HSDL2: variants seen among roughly 807,000 people sequenced by gnomAD.
HSDL2 encodes hydroxysteroid dehydrogenase like 2, also known as hydroxysteroid dehydrogenase-like protein 2.
Under a neutral mutation model 46.3 loss-of-function variants are expected in HSDL2, and 27 were observed. The observed-to-expected ratio is 0.58, with a 90% confidence interval of 0.43 to 0.80. HSDL2 has a LOEUF of 0.80. Ranked by LOEUF, HSDL2 falls within the 30% of genes least tolerant of loss-of-function variation. The pLI, the probability that HSDL2 is intolerant of heterozygous loss-of-function variation, is 0.00. For missense variants in HSDL2, 451 were observed against 502.7 expected, an observed-to-expected ratio of 0.90 and a Z score of 0.98; for synonymous variants, 153 against 163.6, an observed-to-expected ratio of 0.94 and a Z score of 0.50.
chr9:112,453,651 C>T (rs368551094), intron 8 of HSDL2, among the ~76,000 whole-genome samples: 20 of 152,296 alleles, frequency 1.3e-4, no homozygotes, highest in African/African-American at 4.3e-4. Flanking sequence ...CCTTGGCCTC[C>T]CAAAGTGCTG....
chr9:112,438,253 C>CA (rs916243449), intron 6 of HSDL2, among the ~76,000 whole-genome samples, 178 bp from the exon 7 acceptor site: 4 of 151,894 alleles, frequency 2.6e-5, no homozygotes, highest in African/African-American at 4.8e-5. Flanking sequence ...AAAATAAAAA[C>CA]AAAAAAACAA....
intron 8 of HSDL2, among the ~76,000 whole-genome samples, chr9:112,451,969 G>T (rs1832895152): frequency 6.6e-6 from 1 of 152,120 alleles, no homozygotes; most frequent in East Asian, 1.9e-4. Flanking sequence ...GTTTCTGAAT[G>T]TATGTTACAT....
chr9:112,466,478 A>C (rs1391447625), intron 10 of HSDL2, among the ~76,000 whole-genome samples: 1 of 151,620 alleles, frequency 6.6e-6, no homozygotes, highest in African/African-American at 2.4e-5. Context: ...GCTTGAACCC[A>C]GGAGGCGGAG....
At chr9:112,464,233 C>G (rs201781832) in intron 10 of HSDL2, among the ~76,000 whole-genome samples, 1 of 6,956 alleles carries the variant, frequency 1.4e-4, no homozygotes, top group African/African-American at 3.1e-4. Context: ...CAGACACACA[C>G]ACACACACAC....
At chr9:112,463,584 AG>A (rs759556310) in intron 10 of HSDL2, among the ~76,000 whole-genome samples, 61 of 152,236 alleles carry the variant, frequency 4.0e-4, no homozygotes, top group Non-Finnish European at 6.0e-4. Flanking sequence ...ACTCATAGGT[AG>A]TACACCCAGA....
chr9:112,462,600 ATGTGTGTGTGTGTGTGTGTGTG>A (rs3032131), intron 10 of HSDL2, among the ~76,000 whole-genome samples: 2 of 146,628 alleles, frequency 1.4e-5, no homozygotes, highest in Non-Finnish European at 3.0e-5. Flanking sequence ...GAGGAGGGGG[ATGTGTGTGTGTGTGTGTGTGTG>A]TGTGTGTGTG....
At chr9:112,438,841 T>G (rs868775803) in intron 7 of HSDL2, 1 of 172,930 alleles carries the variant, frequency 5.8e-6, no homozygotes, top group Non-Finnish European at 1.2e-5. Flanking sequence ...AAGTGATATA[T>G]ATATATATAT....
intron 8 of HSDL2, among the ~76,000 whole-genome samples, chr9:112,442,292 A>AG (rs1832657554): frequency 4.1e-5 from 5 of 122,180 alleles, no homozygotes; most frequent in Non-Finnish European, 9.7e-5. Flanking sequence ...AAAAAAAAAA[A>AG]AAGAAGAAGT....
At chr9:112,465,559 A>T (rs188642230) in intron 10 of HSDL2, among the ~76,000 whole-genome samples, 313 of 152,310 alleles carry the variant, frequency 2.1e-3, no homozygotes, top group Non-Finnish European at 3.3e-3. Context: ...GTAAGTAAGC[A>T]CTTCTCATTC....
intron 8 of HSDL2, among the ~76,000 whole-genome samples, chr9:112,442,669 T>C (rs2132676000): frequency 6.6e-6 from 1 of 152,292 alleles, no homozygotes; most frequent in Non-Finnish European, 1.5e-5. Flanking sequence ...TCTCTCATGG[T>C]TTACTAATAA....
In HSDL2 at chr9:112,408,978, T is replaced by C. The variant is rs769188612; in HGVS notation, c.352T>C (p.Leu118=). The C allele has an allele frequency of 2.0e-5, 32 of 1,609,714 alleles. No individual in the cohort carries two copies. In the Admixed American group the frequency reaches 4.0e-4, roughly 20 times the overall value. The part of the protein sequence containing the change: ...TNTLDTPTKR[L]DLMMNVNTRG... Reference sequence around the variant, plus strand: ...TACATTGGACACACCTACCAAGAGATTGGATCTGATGATGAACGTGAACAC... The same window carrying C: ...TACATTGGACACACCTACCAAGAGACTGGATCTGATGATGAACGTGAACAC... The change falls in exon 4 of 11, where the codon TTG becomes CTG. Residue 118 remains leucine (L), a synonymous_variant. Transcript: ENST00000398805.
chr9:112,432,310 A>G (rs1209495285), intron 6 of HSDL2, among the ~76,000 whole-genome samples: 1 of 152,230 alleles, frequency 6.6e-6, no homozygotes, highest in African/African-American at 2.4e-5. Context: ...TCCCCTTCAC[A>G]TCACTTACAC....
intron 8 of HSDL2, among the ~76,000 whole-genome samples, chr9:112,451,789 A>G (rs1832890401): frequency 6.6e-6 from 1 of 152,002 alleles, no homozygotes; most frequent in African/African-American, 2.4e-5. Flanking sequence ...GCAGGCATAT[A>G]AGAATAGATA....
chr9:112,394,519 C>A (rs1481808493), intron 1 of HSDL2, among the ~76,000 whole-genome samples: 1 of 152,138 alleles, frequency 6.6e-6, no homozygotes, highest in Non-Finnish European at 1.5e-5. Context: ...TTTAATACTG[C>A]TGCATGTGAG....
At chr9:112,468,198 G>A (rs997813539) in intron 10 of HSDL2, among the ~76,000 whole-genome samples, 2 of 151,966 alleles carry the variant, frequency 1.3e-5, no homozygotes, top group Non-Finnish European at 2.9e-5. Flanking sequence ...GAAAGTTTTT[G>A]AAATCAGAGA....
At chr9:112,380,256 C>T in intron 1 of HSDL2, 76 bp downstream of exon 1, 1 of 1,422,216 alleles carries the variant, frequency 7.0e-7, no homozygotes, top group Non-Finnish European at 9.4e-7. Flanking sequence ...CCGCGGATCG[C>T]CCGGGCTGGC....
At chr9:112,468,638 C>T (rs192661322) in intron 10 of HSDL2, among the ~76,000 whole-genome samples, 6 of 152,120 alleles carry the variant, frequency 3.9e-5, no homozygotes, top group Admixed American at 2.6e-4. Context: ...TTCCTGTGCT[C>T]CTCCTCTTCC....
chr9:112,461,326 G>A (rs953003875), intron 10 of HSDL2, among the ~76,000 whole-genome samples: 2 of 152,070 alleles, frequency 1.3e-5, no homozygotes, highest in Non-Finnish European at 2.9e-5. Context: ...TGATCCACCC[G>A]CCTTGGCCTC....
At chr9:112,449,931 T>C (rs768266710) in intron 8 of HSDL2, among the ~76,000 whole-genome samples, 3 of 152,188 alleles carry the variant, frequency 2.0e-5, no homozygotes, top group Non-Finnish European at 4.4e-5. Flanking sequence ...TACTTTTGGT[T>C]TATTGTTTTC....
Sources: allele counts gnomAD v4.1 joint callset (sites outside exome capture counted in the v4.1 genomes callset), GRCh38; gene constraint gnomAD v4.1.1; transcripts MANE v1.5; gene names NCBI Gene and HGNC (gene_info 2026-07-23, HGNC 2026-07-21).